The following SLC6A5 variants were observed in gnomAD, a reference collection of about 807,000 sequenced individuals.
SLC6A5 encodes sodium- and chloride-dependent glycine transporter 2.
In SLC6A5, 58 loss-of-function variants were observed where a neutral mutation model predicts 90.5. The ratio of observed to expected loss-of-function variants is 0.64; its 90% CI spans 0.52 to 0.80. The LOEUF (loss-of-function observed/expected upper bound fraction) is 0.80. Among genes scored for constraint, SLC6A5 ranks in the 30% least tolerant of loss-of-function variants. The pLI is 0.00. For missense variants in SLC6A5, 1,015 were observed against 1,017.6 expected, an observed-to-expected ratio of 1.00 and a Z score of 0.03; for synonymous variants, 427 against 401.4, an observed-to-expected ratio of 1.06 and a Z score of -0.76.
chr11:20,659,007 C>G lies in SLC6A5; in HGVS notation c.*4139C>G, dbSNP rs569976553. The G allele has an allele frequency of 2.0e-5, 3 of 149,656 alleles. No homozygotes were observed. Among genetic ancestry groups the G allele is most frequent in the Admixed American group, 2.0e-4 (3 of 14,994 alleles). The allele number at this position is 149,656 out of a possible 1,614,324, so 9.3% of individuals were successfully genotyped here. A position where few individuals can be genotyped will look rare whatever the true frequency, so the allele number is the denominator to read the frequency against. On this transcript the variant is annotated 3_prime_UTR_variant, in exon 16 of 16. Transcript: ENST00000525748. The stretch of plus-strand genomic sequence containing the variant: ...TCCCTAATCAGGTCCTTATATTTTT[C>G]CATTAACTATACATGAAGAAAATAT...
chr11:20,627,207 AT>A (rs1178374612), intron 8 of SLC6A5, among the ~76,000 whole-genome samples: 1 of 152,184 alleles, frequency 6.6e-6, no homozygotes, highest in African/African-American at 2.4e-5. Context: ...AAGCGATTCT[AT>A]TTTAAAAATA....
chr11:20,615,534 A>AT (rs1226016880), intron 6 of SLC6A5, among the ~76,000 whole-genome samples: 1 of 151,902 alleles, frequency 6.6e-6, no homozygotes, highest in African/African-American at 2.4e-5. Flanking sequence ...TGCTCGGCTA[A>AT]TTTTTTGTAC....
In SLC6A5 at chr11:20,607,420, C is replaced by T. The variant is rs1179549372; in HGVS notation, c.812-59C>T. On this transcript the variant is annotated intron_variant, in intron 4 of 15. Transcript: ENST00000525748. ...ACCTAGGTCCCCACCCTATGCCCAA[C>T]TCTAAGAATTCCATAGCATTTAAGA... 8 of 1,599,890 alleles carry T rather than the reference C, an allele frequency of 5.0e-6. No individual in the cohort carries two copies. In the East Asian group the frequency reaches 8.9e-5, roughly 18 times the overall value.
intron 5 of SLC6A5, among the ~76,000 whole-genome samples, chr11:20,610,981 T>G (rs1222720263): frequency 1.3e-5 from 2 of 152,242 alleles, no homozygotes; most frequent in African/African-American, 4.8e-5. Flanking sequence ...TAATCAGCAT[T>G]AATCAGGCTG....
chr11:20,619,927 G>C (rs1166371028), intron 7 of SLC6A5, among the ~76,000 whole-genome samples: 7 of 152,206 alleles, frequency 4.6e-5, no homozygotes, highest in African/African-American at 1.4e-4. Context: ...GTTACAGGGA[G>C]ATGGGAAATG....
At position 20,614,735 on chromosome 11, in the gene SLC6A5, A is replaced by G; in HGVS notation, c.1042A>G (p.Met348Val). Residue 348 changes from methionine to valine, a missense_variant, in exon 6 of 16, where the codon ATG (methionine) becomes GTG (valine). Met to Val is a conservative substitution (Grantham distance 21). This residue lies in a region of SLC6A5 where 567 missense variants were observed against 507.3 expected (regional missense o/e 1.12). Transcript: ENST00000525748. ...ACAGATCAAGAACTCGACTTTCTGC[A>G]TGACCGCTTATCCCAACGTGACAAT... The part of the protein sequence containing the change: ...KIQIKNSTFC[M>V]TAYPNVTMVN... 1.2e-6 allele frequency: 2 copies of G among 1,613,958 alleles called. No homozygotes were observed. Among genetic ancestry groups the G allele is most frequent in the Non-Finnish European group, 1.7e-6 (2 of 1,179,784 alleles).
chr11:20,651,855 G>A (rs1336775577), intron 14 of SLC6A5, among the ~76,000 whole-genome samples: 1 of 151,858 alleles, frequency 6.6e-6, no homozygotes, highest in Non-Finnish European at 1.5e-5. Flanking sequence ...TGCAGTAGCT[G>A]AGATCACGCC....
chr11:20,614,000 A>G (rs1055690870), intron 5 of SLC6A5, among the ~76,000 whole-genome samples: 2 of 152,162 alleles, frequency 1.3e-5, no homozygotes, highest in Non-Finnish European at 2.9e-5. Flanking sequence ...ACTCATCCCC[A>G]GTTGAGCACC....
intron 14 of SLC6A5, among the ~76,000 whole-genome samples, chr11:20,650,369 T>A (rs987699780): frequency 6.6e-6 from 1 of 152,158 alleles, no homozygotes; most frequent in African/African-American, 2.4e-5. Flanking sequence ...ACTGGCCAAG[T>A]CTTCAGAGGG....
rs1022517732 is a variant in SLC6A5, at chr11:20,611,625, C to T, written c.986-3054C>T. ...ATGGATTTGAGGTTTCCTCCTATCTCCTTGTTCAGTGGCTCTTATGATTAA... is the reference window on the plus strand; with the variant it reads ...ATGGATTTGAGGTTTCCTCCTATCTTCTTGTTCAGTGGCTCTTATGATTAA... On this transcript the variant is annotated intron_variant, in intron 5 of 15. Coordinates refer to ENST00000525748, the MANE Select transcript of SLC6A5 (RefSeq NM_004211.5). 3.3e-5 allele frequency among the ~76,000 whole-genome samples: 5 copies of T among 152,352 alleles called. No individual in the cohort carries two copies. In the East Asian group the frequency reaches 7.7e-4, roughly 24 times the overall value.
chr11:20,608,958 C>CTGTGTGTG (rs71063652), intron 5 of SLC6A5, among the ~76,000 whole-genome samples: 6 of 110,920 alleles, frequency 5.4e-5, no homozygotes, highest in African/African-American at 1.3e-4. Context: ...CTCTCTCTCT[C>CTGTGTGTG]TGTGTGTGTG....
intron 5 of SLC6A5, among the ~76,000 whole-genome samples, chr11:20,608,160 A>C (rs1489994502): frequency 6.6e-6 from 1 of 152,204 alleles, no homozygotes; most frequent in Non-Finnish European, 1.5e-5. Context: ...CTGGGGCCAG[A>C]CTTCACAAGA....
intron 13 of SLC6A5, among the ~76,000 whole-genome samples, chr11:20,639,069 A>G (rs530652252): frequency 1.3e-5 from 2 of 152,292 alleles, no homozygotes; most frequent in South Asian, 4.1e-4. Context: ...AGATTTTTCC[A>G]GGAATAGACT....
At chr11:20,635,572 C>T (rs1471645702) in intron 10 of SLC6A5, among the ~76,000 whole-genome samples, 1 of 152,108 alleles carries the variant, frequency 6.6e-6, no homozygotes, top group East Asian at 1.9e-4. Context: ...AGACTTAATA[C>T]TTAGGTGATG....
At chr11:20,628,454 A>AT (rs2133800629) in intron 9 of SLC6A5, among the ~76,000 whole-genome samples, 1 of 152,268 alleles carries the variant, frequency 6.6e-6, no homozygotes, top group South Asian at 2.1e-4. Context: ...CTGTGACCTA[A>AT]TCTCCTCTTC....
chr11:20,619,042 G>A (rs562937613), intron 7 of SLC6A5, among the ~76,000 whole-genome samples: 3 of 151,848 alleles, frequency 2.0e-5, no homozygotes, highest in South Asian at 2.1e-4. Context: ...ATTTAATTAC[G>A]CCAGGAGGTA....
intron 7 of SLC6A5, among the ~76,000 whole-genome samples, chr11:20,625,600 C>G (rs1161252219): frequency 6.6e-6 from 1 of 152,184 alleles, no homozygotes; most frequent in East Asian, 1.9e-4. Context: ...CCCTCTTTTC[C>G]AGCATCCAGC....
chr11:20,616,579 A>G (rs1385324114), intron 6 of SLC6A5, among the ~76,000 whole-genome samples: 3 of 152,150 alleles, frequency 2.0e-5, no homozygotes, highest in African/African-American at 4.8e-5. Flanking sequence ...TGGTTTACCT[A>G]TTTTGGGCAT....
At chr11:20,653,464 GA>G (rs1353384104) in intron 15 of SLC6A5, among the ~76,000 whole-genome samples, 4 of 152,150 alleles carry the variant, frequency 2.6e-5, no homozygotes, top group Non-Finnish European at 4.4e-5. Flanking sequence ...CTGATGGGTT[GA>G]AAAAGGAATG....
Sources: allele counts gnomAD v4.1 joint callset (sites outside exome capture counted in the v4.1 genomes callset), GRCh38; gene constraint gnomAD v4.1.1; regional missense constraint gnomAD v4.1.1; transcripts MANE v1.5; gene names NCBI Gene and HGNC (gene_info 2026-07-23, HGNC 2026-07-21).